DMD: variants seen among roughly 807,000 people sequenced by gnomAD.
DMD encodes dystrophin, also known as mutant dystrophin.
A neutral mutation model predicts 330.1 loss-of-function variants in DMD; 63 were observed. That is an observed-to-expected ratio of 0.19 (90% CI 0.16 to 0.24). The LOEUF is 0.24. Among genes scored for constraint, DMD ranks in the 10% least tolerant of loss-of-function variants. DMD has a pLI of 1.00. For missense variants in DMD, 3,344 were observed against 2,684.1 expected, an observed-to-expected ratio of 1.25 and a Z score of -5.43; for synonymous variants, 1,223 against 959.8, an observed-to-expected ratio of 1.27 and a Z score of -5.07.
intron 9 of DMD, among the ~76,000 whole-genome samples, chrX:32,672,180 A>T (rs1241651432): frequency 9.0e-6 from 1 of 111,261 alleles, no homozygotes; most frequent in African/African-American, 3.3e-5. Context: ...TTGCTCTAGA[A>T]ATATTTGATT....
chrX:32,403,885 C>T (rs1435251720), intron 30 of DMD, among the ~76,000 whole-genome samples: 4 of 111,878 alleles, frequency 3.6e-5, no homozygotes, highest in Non-Finnish European at 7.5e-5. Flanking sequence ...ATAAATTCCC[C>T]TTTGCAGGTT....
At chrX:33,019,785 T>A (rs189979288) in intron 2 of DMD, among the ~76,000 whole-genome samples, 1,280 of 111,293 alleles carry the variant, frequency 0.012, 22 homozygotes, top group African/African-American at 0.039. Flanking sequence ...GACAAAAAAA[T>A]GATAATTTTC....
chrX:32,787,876 T>C (rs1480754460), intron 7 of DMD, among the ~76,000 whole-genome samples: 1 of 111,384 alleles, frequency 9.0e-6, no homozygotes, highest in Non-Finnish European at 1.9e-5. Context: ...TACAGGAGTA[T>C]AAAGGGACCA....
At position 32,502,753 on chromosome X, in the gene DMD, A is replaced by G. The variant is rs141366061; in HGVS notation, c.2293-911T>C. ...GCAGAAGGTTATTCTACATGAGACT[A>G]TTTTTTAAGACTTCATTTACATCCA... On this transcript the variant is annotated intron_variant, in intron 18 of 78. Coordinates refer to ENST00000357033, the MANE Select transcript of DMD (RefSeq NM_004006.3). Among the ~76,000 whole-genome samples, 344 of 112,064 alleles carry G rather than the reference A, an allele frequency of 3.1e-3. 1 individual carries two copies. The highest frequency in any genetic ancestry group is 0.011 in the African/African-American group (331 of 30,882).
At chrX:32,691,378 C>A (rs930273761) in intron 9 of DMD, among the ~76,000 whole-genome samples, 1 of 109,322 alleles carries the variant, frequency 9.1e-6, no homozygotes, top group Non-Finnish European at 1.9e-5. Flanking sequence ...ACAGACATTT[C>A]TCCAAAGACG....
At chrX:32,695,383 C>T (rs868319878) in intron 9 of DMD, among the ~76,000 whole-genome samples, 1 of 111,489 alleles carries the variant, frequency 9.0e-6, no homozygotes. Context: ...TGTGGGAGAA[C>T]GAGTGATGTA....
chrX:33,068,945 C>T (rs370643284), intron 1 of DMD, among the ~76,000 whole-genome samples: 85 of 111,816 alleles, frequency 7.6e-4, no homozygotes, highest in Non-Finnish European at 1.4e-3. Context: ...ACTTGTAGAC[C>T]TCCATTTCCT....
rs1353424870 is a variant in DMD, at chrX:31,571,328, G to C, written c.8217+56345C>G. 1.9e-5 allele frequency among the ~76,000 whole-genome samples: 2 copies of C among 106,840 alleles called. 1 individual carries two copies. Among genetic ancestry groups the C allele is most frequent in the African/African-American group, 6.9e-5 (2 of 28,978 alleles). 92.8% of individuals were successfully genotyped at this position (106,840 alleles called of 115,157 possible). On this transcript the variant is annotated intron_variant, in intron 55 of 78. Transcript: ENST00000357033. ...CAGCTTTTAAACATTACAGTATTCT[G>C]AGCTAAGGGTGGAAATTCACCTCAG... is the stretch of plus-strand genomic sequence containing the variant.
At chrX:33,040,862 A>G (rs2094287699) in intron 1 of DMD, among the ~76,000 whole-genome samples, 1 of 112,315 alleles carries the variant, frequency 8.9e-6, no homozygotes, top group Admixed American at 9.5e-5. Flanking sequence ...AGCCATCAAC[A>G]TAACCAGACT....
chrX:31,658,088 C>T lies in DMD; in HGVS notation c.7929G>A (p.Leu2643=), dbSNP rs2148615763. The change falls in exon 54 of 79, where the codon TTG becomes TTA. Residue 2643 remains leucine (L), a synonymous_variant. Transcript: ENST00000357033. Reference sequence around the variant, plus strand: ...AATAATCCCGGAGAAGTTTCAGGGCCAAGTCATTTGCCACATCTACATTTG... The same window carrying T: ...AATAATCCCGGAGAAGTTTCAGGGCTAAGTCATTTGCCACATCTACATTTG... The part of the protein sequence containing the change: ...WQTNVDVAND[L]ALKLLRDYSA... 1 of 1,211,558 alleles carries T rather than the reference C, an allele frequency of 8.3e-7. No homozygotes were observed. Among genetic ancestry groups the T allele is most frequent in the Non-Finnish European group, 1.1e-6 (1 of 895,230 alleles).
chrX:31,703,649 T>C (rs769304315), intron 52 of DMD, among the ~76,000 whole-genome samples: 1 of 111,951 alleles, frequency 8.9e-6, no homozygotes, highest in South Asian at 3.7e-4. Context: ...ATGCAATATA[T>C]AAACAAAATA....
chrX:32,364,171 G>A (rs771151361), intron 36 of DMD, among the ~76,000 whole-genome samples: 1 of 111,914 alleles, frequency 8.9e-6, no homozygotes, highest in South Asian at 3.7e-4. Context: ...TTTGGATATG[G>A]CATAGGCAAA....
chrX:32,495,745 T>C (rs759440194), intron 19 of DMD, among the ~76,000 whole-genome samples: 1 of 110,900 alleles, frequency 9.0e-6, no homozygotes, highest in East Asian at 2.9e-4. Context: ...TCCATAGAAT[T>C]ATGCTCCTTG....
chrX:32,707,748 G>C (rs962098283), intron 7 of DMD, among the ~76,000 whole-genome samples: 1 of 111,589 alleles, frequency 9.0e-6, no homozygotes, highest in East Asian at 2.8e-4. Flanking sequence ...CTAAACCCAG[G>C]AGAACAGACA....
intron 1 of DMD, among the ~76,000 whole-genome samples, chrX:33,267,932 C>T (rs115204935): frequency 0.034 from 3,766 of 110,818 alleles, 175 homozygotes; most frequent in African/African-American, 0.12. Flanking sequence ...AATGTAAGAC[C>T]TAAAACTACA....
intron 19 of DMD, among the ~76,000 whole-genome samples, chrX:32,492,532 G>C (rs2043108637): frequency 8.9e-6 from 1 of 111,851 alleles, no homozygotes; most frequent in Non-Finnish European, 1.9e-5. Flanking sequence ...TTACCATTCT[G>C]GAGTACCTAC....
chrX:31,709,232 C>T (rs928684598), intron 52 of DMD, among the ~76,000 whole-genome samples: 8 of 111,770 alleles, frequency 7.2e-5, no homozygotes, highest in African/African-American at 2.6e-4. Context: ...GATTGAGCCA[C>T]TACACTCTAG....
chrX:33,303,399 C>T (rs1455489934), intron 1 of DMD, among the ~76,000 whole-genome samples: 1 of 111,248 alleles, frequency 9.0e-6, no homozygotes, highest in Non-Finnish European at 1.9e-5. Flanking sequence ...TTCTTCTTTC[C>T]ACCGAAGAGA....
intron 51 of DMD, among the ~76,000 whole-genome samples, chrX:31,735,409 C>T (rs1205124428): frequency 1.8e-5 from 2 of 111,616 alleles, no homozygotes; most frequent in East Asian, 5.6e-4. Flanking sequence ...GACCCTAAAC[C>T]TCTCATCAGC....
Sources: allele counts gnomAD v4.1 joint callset (sites outside exome capture counted in the v4.1 genomes callset), GRCh38; gene constraint gnomAD v4.1.1; transcripts MANE v1.5; gene names NCBI Gene and HGNC (gene_info 2026-07-23, HGNC 2026-07-21).